GALK2: variants seen among roughly 807,000 people sequenced by gnomAD.
GALK2 encodes the protein N-acetylgalactosamine kinase.
A neutral mutation model predicts 52.4 loss-of-function variants in GALK2; 36 were observed. The ratio of observed to expected loss-of-function variants is 0.69; its 90% CI spans 0.53 to 0.91. The LOEUF is 0.91. Ranked by LOEUF, GALK2 falls within the 40% of genes least tolerant of loss-of-function variation. The pLI is 0.00. For missense variants in GALK2, 579 were observed against 559.1 expected (o/e 1.04, Z -0.36); for synonymous variants, 176 against 199.1 (o/e 0.88, Z 0.98).
In GALK2 at chr15:49,235,867, G is replaced by A. The variant is rs1432898942; in HGVS notation, c.283G>A (p.Ala95Thr). ...NPLYPDFSTS[A>T]NNIQIDKTKP... ...TCTTCGCAGGGACTTCAGTACTAGT[G>A]CTAATAACATCCAGATTGATAAAAC... Residue 95 changes from alanine (A) to threonine (T), a missense_variant, in exon 4 of 10, where the codon GCT becomes ACT. Transcript: ENST00000560031. 5 of 1,612,438 alleles carry A rather than the reference G, an allele frequency of 3.1e-6. No homozygotes were observed. Among genetic ancestry groups the A allele is most frequent in the Non-Finnish European group, 4.2e-6 (5 of 1,178,618 alleles).
chr15:49,299,758 T>TCTTTCTTTCTTTC (rs2034888963), intron 8 of GALK2, among the ~76,000 whole-genome samples: 5 of 141,104 alleles, frequency 3.5e-5, no homozygotes, highest in Non-Finnish European at 4.6e-5. Context: ...TTTCTTTCTT[T>TCTTTCTTTCTTTC]CTTTCTTTCT....
intron 1 of GALK2, among the ~76,000 whole-genome samples, chr15:49,200,866 G>A (rs2087693336): frequency 6.6e-6 from 1 of 151,978 alleles, no homozygotes; most frequent in African/African-American, 2.4e-5. Context: ...TCTTCAAAAG[G>A]GAAGAAAATA....
At chr15:49,365,042 T>C (rs1048078052) in intron 3 of GALK2, 12 of 532,728 alleles carry the variant, frequency 2.3e-5, no homozygotes, top group Non-Finnish European at 3.8e-5. Context: ...ACTTTCAGAT[T>C]GTCAATTCAA....
downstream of GALK2, among the ~76,000 whole-genome samples, chr15:49,336,329 A>G (rs538739018): frequency 6.6e-6 from 1 of 152,286 alleles, no homozygotes; most frequent in African/African-American, 2.4e-5. Context: ...CTTGGCCTTA[A>G]CCCATGCCTG....
chr15:49,257,639 A>T (rs1382452203), intron 5 of GALK2, among the ~76,000 whole-genome samples: 3 of 152,148 alleles, frequency 2.0e-5, no homozygotes, highest in African/African-American at 7.2e-5. Context: ...TAAAAATTAT[A>T]AATATTGACT....
At chr15:49,326,729 ATTTG>A (rs2037564378) in intron 9 of GALK2, among the ~76,000 whole-genome samples, 2 of 152,222 alleles carry the variant, frequency 1.3e-5, no homozygotes, top group Non-Finnish European at 2.9e-5. Context: ...AGTGATGTTT[ATTTG>A]TTTGTAAGCA....
chr15:49,359,033 A>C (rs904242305), intron 3 of GALK2, among the ~76,000 whole-genome samples: 4 of 152,148 alleles, frequency 2.6e-5, no homozygotes, highest in Non-Finnish European at 5.9e-5. Flanking sequence ...CTGGCTAGCC[A>C]TATGTATAAA....
chr15:49,284,509 G>C (rs74014920), intron 7 of GALK2, among the ~76,000 whole-genome samples: 1 of 152,282 alleles, frequency 6.6e-6, no homozygotes, highest in African/African-American at 2.4e-5. Context: ...GAGGACTGAG[G>C]CTGGAGGCTA....
intron 8 of GALK2, among the ~76,000 whole-genome samples, chr15:49,298,152 C>T (rs1340009684): frequency 1.3e-5 from 2 of 152,034 alleles, no homozygotes; most frequent in South Asian, 2.1e-4. Context: ...TAACTATATT[C>T]CTAAGTATTT....
intron 1 of GALK2, among the ~76,000 whole-genome samples, chr15:49,171,077 T>A (rs1036120506): frequency 6.8e-6 from 1 of 146,646 alleles, no homozygotes; most frequent in Non-Finnish European, 1.5e-5. Flanking sequence ...TTTCTTTTTC[T>A]TTTTCTTTTT....
At chr15:49,212,063 C>G (rs915570999) in intron 2 of GALK2, among the ~76,000 whole-genome samples, 1 of 152,028 alleles carries the variant, frequency 6.6e-6, no homozygotes, top group Non-Finnish European at 1.5e-5. Context: ...AATTATCTGA[C>G]TTTATTTATT....
At chr15:49,217,021 G>A (rs2089434133) in intron 2 of GALK2, among the ~76,000 whole-genome samples, 169 bp from the exon 3 acceptor site, 1 of 152,122 alleles carries the variant, frequency 6.6e-6, no homozygotes, top group Non-Finnish European at 1.5e-5. Context: ...GCTCAATTTG[G>A]TGTAAGATCA....
intron 7 of GALK2, among the ~76,000 whole-genome samples, chr15:49,284,007 T>A (rs1468466094): frequency 6.6e-6 from 1 of 152,166 alleles, no homozygotes; most frequent in Non-Finnish European, 1.5e-5. Context: ...GGACAATTGA[T>A]GGGAATGACC....
chr15:49,328,024 G>A lies in GALK2; in HGVS notation c.1242G>A (p.Ala414=), dbSNP rs371198789. The change falls in exon 10 of 10, where the codon GCG becomes GCA. Residue 414 remains alanine (A), a synonymous_variant. Coordinates refer to ENST00000560031, the MANE Select transcript of GALK2 (RefSeq NM_002044.4). Reference sequence around the variant, plus strand: ...GCTGCACAGTATCAATGGTACCTGCGGACAAGCTGCCCAGCTTTCTAGCAA... The same window carrying A: ...GCTGCACAGTATCAATGGTACCTGCAGACAAGCTGCCCAGCTTTCTAGCAA... ...WGGCTVSMVP[A]DKLPSFLANV... is the part of the protein sequence containing the mutation. The A allele has an allele frequency of 4.0e-5, 65 of 1,613,816 alleles. No homozygotes were observed. In the African/African-American group the frequency reaches 4.3e-4, roughly 11 times the overall value.
At chr15:49,365,078 AT>A in intron 3 of GALK2, 2 of 601,988 alleles carry the variant, frequency 3.3e-6, no homozygotes, top group Non-Finnish European at 6.0e-6. Flanking sequence ...GTCAAAGTCT[AT>A]TTGTAGAAAA....
intron 5 of GALK2, among the ~76,000 whole-genome samples, chr15:49,266,820 T>C (rs2092378306): frequency 6.6e-6 from 1 of 152,116 alleles, no homozygotes; most frequent in Non-Finnish European, 1.5e-5. Context: ...GTGGTATTAA[T>C]AGTTGGAGGT....
chr15:49,332,233 A>AG (rs2151152883), downstream of GALK2, among the ~76,000 whole-genome samples: 1 of 152,248 alleles, frequency 6.6e-6, no homozygotes, highest in East Asian at 1.9e-4. Flanking sequence ...CATCCTCTTC[A>AG]GTTAGATGGT....
chr15:49,356,163 T>G (rs1389603098), intron 3 of GALK2, among the ~76,000 whole-genome samples: 1 of 150,640 alleles, frequency 6.6e-6, no homozygotes. Context: ...CCATCGAGAC[T>G]AGGAAGAAAC....
chr15:49,339,632 C>G (rs924305119), intron 3 of GALK2, among the ~76,000 whole-genome samples: 2 of 152,180 alleles, frequency 1.3e-5, no homozygotes, highest in African/African-American at 4.8e-5. Flanking sequence ...TAGGCTGTCC[C>G]TTATCAGAGC....
Sources: allele counts gnomAD v4.1 joint callset (sites outside exome capture counted in the v4.1 genomes callset), GRCh38; gene constraint gnomAD v4.1.1; transcripts MANE v1.5; gene names NCBI Gene and HGNC (gene_info 2026-07-23, HGNC 2026-07-21).